The following PTPRD variants were observed in gnomAD, a reference collection of about 807,000 sequenced individuals.
The protein encoded by PTPRD is receptor-type tyrosine-protein phosphatase delta.
In PTPRD, 34 loss-of-function variants were observed where a neutral mutation model predicts 214.5. The observed-to-expected ratio is 0.16, with a 90% confidence interval of 0.12 to 0.21. PTPRD has a LOEUF of 0.21. Ranked by LOEUF, PTPRD falls within the 10% of genes least tolerant of loss-of-function variation. The pLI, the probability that PTPRD is intolerant of heterozygous loss-of-function variation, is 1.00. For synonymous variants in PTPRD, 1,128 were observed against 845.7 expected, an observed-to-expected ratio of 1.33 and a Z score of -5.79; for missense variants, 2,545 against 2,398.7, an observed-to-expected ratio of 1.06 and a Z score of -1.27.
In PTPRD at chr9:10,140,948, C is replaced by T. The variant is rs975496697; in HGVS notation, c.-544-107158G>A. 7.6e-4 allele frequency among the ~76,000 whole-genome samples: 115 copies of T among 151,928 alleles called. 1 individual carries two copies. Among genetic ancestry groups the T allele is most frequent in the African/African-American group, 2.5e-3 (104 of 41,400 alleles). On this transcript the variant is annotated intron_variant, in intron 3 of 45. Transcript: ENST00000381196. ...TGGGATGCAAGGCTGGTTCATTATACGCAAATCAATAAATGTAATCCAGCA... is the reference window on the plus strand; with the variant it reads ...TGGGATGCAAGGCTGGTTCATTATATGCAAATCAATAAATGTAATCCAGCA...
chr9:9,714,838 A>G (rs16930096), intron 7 of PTPRD, among the ~76,000 whole-genome samples: 11,839 of 152,214 alleles, frequency 0.078, 466 homozygotes, highest in Middle Eastern at 0.15. Context: ...TAGATGCTCA[A>G]TATTCCTTTC....
chr9:9,100,856 C>T (rs2099790253), intron 10 of PTPRD, among the ~76,000 whole-genome samples: 1 of 152,068 alleles, frequency 6.6e-6, no homozygotes, highest in Non-Finnish European at 1.5e-5. Context: ...ATATTATTAA[C>T]ATTGATTTCC....
At chr9:9,606,544 A>G (rs1430976503) in intron 7 of PTPRD, among the ~76,000 whole-genome samples, 1 of 152,106 alleles carries the variant, frequency 6.6e-6, no homozygotes, top group Non-Finnish European at 1.5e-5. Context: ...ATATTACAAT[A>G]TCTGGCAATC....
chr9:8,706,790 C>A (rs1000117380), intron 12 of PTPRD, among the ~76,000 whole-genome samples: 1 of 152,152 alleles, frequency 6.6e-6, no homozygotes, highest in African/African-American at 2.4e-5. Context: ...CATAGCTTGG[C>A]GTCCAGTGTT....
intron 4 of PTPRD, among the ~76,000 whole-genome samples, chr9:9,977,574 T>TC (rs1482150477): frequency 6.6e-6 from 1 of 152,154 alleles, no homozygotes; most frequent in Non-Finnish European, 1.5e-5. Flanking sequence ...AAGCCTTTGT[T>TC]CAAAAATACT....
chr9:8,834,236 G>A (rs1157492863), intron 11 of PTPRD, among the ~76,000 whole-genome samples: 1 of 151,932 alleles, frequency 6.6e-6, no homozygotes, highest in African/African-American at 2.4e-5. Context: ...TAACAGACAA[G>A]GAAGCTTTCT....
chr9:9,707,824 T>C (rs13289361), intron 7 of PTPRD, among the ~76,000 whole-genome samples: 5,938 of 152,126 alleles, frequency 0.039, 493 homozygotes, highest in East Asian at 0.36. Context: ...TTGAAACCTG[T>C]AGTTATTTGT....
intron 2 of PTPRD, among the ~76,000 whole-genome samples, chr9:10,392,793 T>A (rs1759176568): frequency 6.6e-6 from 1 of 151,816 alleles, no homozygotes; most frequent in Non-Finnish European, 1.5e-5. Context: ...AGGAAGAACA[T>A]GGGCAAAGCT....
Position 8,790,924 on chromosome 9 carries a change from G to C in PTPRD, c.-103-56978C>G, listed in dbSNP as rs141119470. Among the ~76,000 whole-genome samples, 1,252 of 152,252 alleles carry C rather than the reference G, an allele frequency of 8.2e-3. 12 individuals carry two copies. Among genetic ancestry groups the C allele is most frequent in the African/African-American group, 0.028 (1,179 of 41,550 alleles). The stretch of plus-strand genomic sequence containing the variant: ...TTAAAGTACTCAACCGCCACGTGTG[G>C]TTACTAGCTCTATACTGGACAAAAC... On this transcript the variant is annotated intron_variant, in intron 11 of 45. Transcript: ENST00000381196.
intron 5 of PTPRD, among the ~76,000 whole-genome samples, chr9:9,819,191 T>A (rs575342171): frequency 6.6e-6 from 1 of 152,298 alleles, no homozygotes; most frequent in East Asian, 1.9e-4. Flanking sequence ...CTGCCCCTCA[T>A]AACTTCTCTC....
intron 8 of PTPRD, among the ~76,000 whole-genome samples, chr9:9,483,170 G>C (rs1017169814): frequency 6.6e-6 from 1 of 152,106 alleles, no homozygotes; most frequent in East Asian, 1.9e-4. Flanking sequence ...ATCATGCATA[G>C]AACATGACAG....
At chr9:10,189,413 G>C (rs2099352715) in intron 3 of PTPRD, among the ~76,000 whole-genome samples, 1 of 152,088 alleles carries the variant, frequency 6.6e-6, no homozygotes, top group South Asian at 2.1e-4. Context: ...AGAAAGAGTT[G>C]GGATTAAATG....
intron 10 of PTPRD, among the ~76,000 whole-genome samples, chr9:9,127,641 A>G (rs1224797967): frequency 6.6e-6 from 1 of 152,230 alleles, no homozygotes; most frequent in Non-Finnish European, 1.5e-5. Context: ...CCACATTCAG[A>G]TATATGCTAA....
intron 11 of PTPRD, among the ~76,000 whole-genome samples, chr9:8,993,320 G>A (rs905591052): frequency 1.3e-5 from 2 of 151,948 alleles, no homozygotes; most frequent in African/African-American, 4.8e-5. Context: ...TCTTACTGTT[G>A]TTTTGGAAAT....
At chr9:8,802,202 T>C (rs528863394) in intron 11 of PTPRD, among the ~76,000 whole-genome samples, 2 of 152,164 alleles carry the variant, frequency 1.3e-5, no homozygotes, top group Non-Finnish European at 2.9e-5. Context: ...ACAGGGATTA[T>C]CTGAGTAATG....
intron 2 of PTPRD, among the ~76,000 whole-genome samples, chr9:10,595,876 C>G (rs2076521574): frequency 6.6e-6 from 1 of 151,636 alleles, no homozygotes; most frequent in African/African-American, 2.4e-5. Flanking sequence ...TGATATCTTA[C>G]AATAAGATTG....
At chr9:9,951,695 A>G (rs2093467911) in intron 4 of PTPRD, among the ~76,000 whole-genome samples, 5 of 152,222 alleles carry the variant, frequency 3.3e-5, no homozygotes, top group Admixed American at 3.3e-4. Flanking sequence ...CAGGCAAATA[A>G]CCAGGGTGAG....
intron 9 of PTPRD, among the ~76,000 whole-genome samples, chr9:9,196,472 T>C (rs574822557): frequency 6.6e-6 from 1 of 152,338 alleles, no homozygotes; most frequent in Admixed American, 6.5e-5. Context: ...GTTGTGTTCA[T>C]ACACTCTTTT....
At chr9:8,601,409 A>G (rs546248618) in intron 14 of PTPRD, among the ~76,000 whole-genome samples, 1 of 152,160 alleles carries the variant, frequency 6.6e-6, no homozygotes, top group Admixed American at 6.5e-5. Context: ...TAGCCAGGTA[A>G]TGGTTACAGC....
Sources: allele counts gnomAD v4.1 joint callset (sites outside exome capture counted in the v4.1 genomes callset), GRCh38; gene constraint gnomAD v4.1.1; transcripts MANE v1.5; gene names NCBI Gene and HGNC (gene_info 2026-07-23, HGNC 2026-07-21).